The following TYR variants were observed in gnomAD, a reference collection of about 807,000 sequenced individuals.
TYR encodes LB24-AB.
Under a neutral mutation model 51.5 loss-of-function variants are expected in TYR, and 58 were observed. The observed-to-expected ratio is 1.13, with a 90% CI of 0.91 to 1.40. TYR has a LOEUF of 1.40. TYR is among the 40% of genes most tolerant of loss of function. The pLI, the probability that TYR is intolerant of heterozygous loss-of-function variation, is 0.00. For synonymous variants in TYR, 263 were observed against 235.2 expected, an observed-to-expected ratio of 1.12 and a Z score of -1.08; for missense variants, 732 against 647.4, an observed-to-expected ratio of 1.13 and a Z score of -1.42.
intron 4 of TYR, among the ~76,000 whole-genome samples, chr11:89,289,547 T>C (rs10501700): frequency 0.022 from 3,272 of 152,058 alleles, 124 homozygotes; most frequent in African/African-American, 0.076. Context: ...TCGAAATGAT[T>C]TGTTTACCTG....
At chr11:89,181,911 T>G (rs1943305286) in intron 1 of TYR, among the ~76,000 whole-genome samples, 1 of 152,194 alleles carries the variant, frequency 6.6e-6, no homozygotes, top group African/African-American at 2.4e-5. Flanking sequence ...ATTTGACATT[T>G]GATCACGTTG....
At chr11:89,275,447 A>T (rs1318410281) in intron 3 of TYR, among the ~76,000 whole-genome samples, 1 of 151,944 alleles carries the variant, frequency 6.6e-6, no homozygotes. Context: ...CAGGAATCTA[A>T]AATGGAACCC....
At chr11:89,195,667 C>T (rs12417632) in intron 2 of TYR, among the ~76,000 whole-genome samples, 33,788 of 151,410 alleles carry the variant, frequency 0.22, 5,971 homozygotes, top group African/African-American at 0.49. Context: ...TGAGACTCTT[C>T]CCATAAATAA....
chr11:89,243,640 A>T (rs542785776), intron 3 of TYR, among the ~76,000 whole-genome samples: 9 of 152,278 alleles, frequency 5.9e-5, no homozygotes, highest in African/African-American at 2.2e-4. Context: ...GCTCAGGGTA[A>T]TTCCCAGCAC....
chr11:89,186,827 G>A (rs1307109470), intron 1 of TYR, among the ~76,000 whole-genome samples: 1 of 152,046 alleles, frequency 6.6e-6, no homozygotes, highest in African/African-American at 2.4e-5. Context: ...ATTAACAGTG[G>A]GGTCCTAATC....
intron 2 of TYR, among the ~76,000 whole-genome samples, chr11:89,210,366 T>C (rs1380215537): frequency 6.0e-5 from 7 of 116,702 alleles, no homozygotes; most frequent in African/African-American, 2.3e-4. Flanking sequence ...AAGAAAGGAT[T>C]GAAGATCAAA....
intron 3 of TYR, among the ~76,000 whole-genome samples, chr11:89,280,242 G>A (rs373350743): frequency 1.7e-4 from 26 of 151,664 alleles, no homozygotes; most frequent in African/African-American, 6.3e-4. Flanking sequence ...CTTTACTGGA[G>A]AATATTTCTT....
chr11:89,215,488 G>C (rs985323612), intron 2 of TYR, among the ~76,000 whole-genome samples: 1 of 152,120 alleles, frequency 6.6e-6, no homozygotes, highest in South Asian at 2.1e-4. Flanking sequence ...CCTGCTCATT[G>C]TGTACATCTA....
chr11:89,183,055 G>GA (rs1221170715), intron 1 of TYR, among the ~76,000 whole-genome samples: 2 of 151,930 alleles, frequency 1.3e-5, no homozygotes, highest in African/African-American at 4.8e-5. Flanking sequence ...TTTTCTTTAT[G>GA]AAAAAGATTT....
At chr11:89,186,799 T>C (rs1362832649) in intron 1 of TYR, among the ~76,000 whole-genome samples, 4 of 152,082 alleles carry the variant, frequency 2.6e-5, no homozygotes, top group African/African-American at 9.7e-5. Flanking sequence ...AAGGAAGTAA[T>C]TGAGGTTAAG....
chr11:89,245,950 CA>C (rs1423241330), intron 3 of TYR, among the ~76,000 whole-genome samples: 1 of 150,924 alleles, frequency 6.6e-6, no homozygotes, highest in Non-Finnish European at 1.5e-5. Context: ...ACAAAAAAAA[CA>C]AAACAGAATC....
At chr11:89,259,531 C>T (rs944005123) in intron 3 of TYR, among the ~76,000 whole-genome samples, 1 of 151,816 alleles carries the variant, frequency 6.6e-6, no homozygotes, top group Non-Finnish European at 1.5e-5. Context: ...TCTGAAGTAG[C>T]GAATGTAGTT....
intron 4 of TYR, among the ~76,000 whole-genome samples, chr11:89,291,846 T>TAGTTA (rs1944855701): frequency 6.6e-6 from 1 of 151,998 alleles, no homozygotes; most frequent in African/African-American, 2.4e-5. Flanking sequence ...CATATTTAAA[T>TAGTTA]AATGATTTTA....
chr11:89,294,495 G>A (rs1248592107), intron 4 of TYR, among the ~76,000 whole-genome samples: 2 of 152,186 alleles, frequency 1.3e-5, no homozygotes, highest in Non-Finnish European at 2.9e-5. Context: ...GAGAAACAAA[G>A]GCCCAGAGTG....
intron 2 of TYR, chr11:89,200,633 T>C (rs1306418920): frequency 6.6e-5 from 10 of 152,050 alleles, no homozygotes; most frequent in African/African-American, 2.4e-4. Flanking sequence ...TGTGATAGTA[T>C]AAATAATATA....
chr11:89,194,651 TCTA>T (rs1943491892), intron 2 of TYR, among the ~76,000 whole-genome samples: 1 of 39,232 alleles, frequency 2.5e-5, no homozygotes, highest in African/African-American at 4.0e-4. Flanking sequence ...CTCCATTTTT[TCTA>T]TCTATCTATC....
Position 89,227,854 on chromosome 11 carries a change from T to C in TYR, c.1068T>C (p.Asp356=), listed in dbSNP as rs779692959. ...GFASPLTGIA[D]ASQSSMHNAL... ...CTAGTCCACTTACTGGGATAGCGGA[T>C]GCCTCTCAAAGCAGCATGCACAATG... is the stretch of plus-strand genomic sequence containing the variant. Residue 356 remains aspartate (D), a synonymous_variant, in exon 3 of 5, where the codon GAT becomes GAC. Transcript: ENST00000263321. The C allele has an allele frequency of 5.6e-6, 9 of 1,613,432 alleles. No homozygotes were observed. The highest frequency in any genetic ancestry group is 1.7e-5 in the Admixed American group (1 of 59,902).
At chr11:89,235,717 G>A (rs1400248522) in intron 3 of TYR, among the ~76,000 whole-genome samples, 3 of 151,410 alleles carry the variant, frequency 2.0e-5, no homozygotes, top group Admixed American at 2.0e-4. Flanking sequence ...TTAGTTGAAG[G>A]GTACAAAGTT....
chr11:89,193,092 A>G lies in TYR; in HGVS notation c.1036+1674A>G, dbSNP rs548803723. On this transcript the variant is annotated intron_variant, in intron 2 of 4. Coordinates refer to ENST00000263321, the MANE Select transcript of TYR (RefSeq NM_000372.5). ...CTATATAACAAATCTAAGGTACACA[A>G]TTTCAAAGTCACCATCTGGGAGGAT... 4.6e-4 allele frequency among the ~76,000 whole-genome samples: 70 copies of G among 152,270 alleles called. 1 individual carries two copies. The highest frequency in any genetic ancestry group is 3.3e-3 in the South Asian group (16 of 4,818).
Sources: allele counts gnomAD v4.1 joint callset (sites outside exome capture counted in the v4.1 genomes callset), GRCh38; gene constraint gnomAD v4.1.1; transcripts MANE v1.5; gene names NCBI Gene and HGNC (gene_info 2026-07-23, HGNC 2026-07-21).